Variants in TOP2B observed in about 807,000 individuals in gnomAD.
TOP2B encodes DNA topoisomerase 2-beta.
TOP2B carries 51 observed loss-of-function variants against 193.5 expected under a neutral mutation model. That is an observed-to-expected ratio of 0.26 (90% confidence interval 0.21 to 0.33). TOP2B has a LOEUF of 0.33. Ranked by LOEUF, TOP2B falls within the 10% of genes least tolerant of loss-of-function variation. The pLI, the probability that TOP2B is intolerant of heterozygous loss-of-function variation, is 1.00. For synonymous variants in TOP2B, 634 were observed against 635.7 expected (o/e 1.00, Z 0.04); for missense variants, 1,378 against 1,909.3 (o/e 0.72, Z 5.19).
intron 7 of TOP2B, among the ~76,000 whole-genome samples, chr3:25,634,894 G>A (rs1234153349): frequency 6.6e-6 from 1 of 151,942 alleles, no homozygotes; most frequent in African/African-American, 2.4e-5. Context: ...AGAATAGAGG[G>A]CAGAAAAAAA....
chr3:25,610,055 T>G (rs1476681271), intron 28 of TOP2B, among the ~76,000 whole-genome samples: 1 of 151,922 alleles, frequency 6.6e-6, no homozygotes, highest in African/African-American at 2.4e-5. Context: ...CAGGCAGGCC[T>G]TTATATACCA....
intron 18 of TOP2B, 83 bp from the exon 19 acceptor site, chr3:25,624,886 G>A: frequency 7.2e-7 from 1 of 1,393,152 alleles, no homozygotes; most frequent in Non-Finnish European, 9.7e-7. Context: ...GATACAATTT[G>A]CTTTTCAAGA....
rs1488565289 is a variant in TOP2B, at chr3:25,638,373, T to C, written c.396-63A>G. On this transcript the variant is annotated intron_variant, in intron 4 of 35. Transcript: ENST00000264331. ...AAAAAGCAGAATTTAGAGCTTAAAA[T>C]AGTAAAGATAAATTAATTCATTAAA... The C allele has an allele frequency of 1.4e-4, 182 of 1,258,692 alleles. No individual in the cohort carries two copies. In the East Asian group the frequency reaches 4.6e-3, roughly 32 times the overall value. The allele number at this position is 1,258,692 out of a possible 1,614,324, so 78.0% of individuals were successfully genotyped here.
chr3:25,622,952 A>G lies in TOP2B; in HGVS notation c.2727+563T>C, dbSNP rs1016943532. ...CTGAGCAACACCTAATTTTTTTTGT[A>G]TATTTAGTAGAGATGGAGTTTCCCC... is the stretch of plus-strand genomic sequence containing the variant. On this transcript the variant is annotated intron_variant, in intron 21 of 35. Coordinates refer to ENST00000264331, the MANE Select transcript of TOP2B (RefSeq NM_001330700.2). Among the ~76,000 whole-genome samples, 5 of 151,978 alleles carry G rather than the reference A, an allele frequency of 3.3e-5. No homozygotes were observed. In the East Asian group the frequency reaches 9.7e-4, roughly 29 times the overall value.
At chr3:25,658,070 A>AAAAAAAAC (rs1553644716) in intron 1 of TOP2B, among the ~76,000 whole-genome samples, 2 of 74,612 alleles carry the variant, frequency 2.7e-5, no homozygotes, top group South Asian at 4.2e-4. Context: ...CAAAAAAAAA[A>AAAAAAAAC]AAAAAAAATT....
At chr3:25,656,495 A>C (rs1333823708) in intron 1 of TOP2B, among the ~76,000 whole-genome samples, 1 of 152,136 alleles carries the variant, frequency 6.6e-6, no homozygotes, top group Non-Finnish European at 1.5e-5. Context: ...ATAAACCCTT[A>C]AACTTGGACG....
chr3:25,634,778 C>CAAAAAAAAA (rs34755793), intron 7 of TOP2B, among the ~76,000 whole-genome samples: 1 of 26,564 alleles, frequency 3.8e-5, no homozygotes, highest in African/African-American at 1.2e-4. Flanking sequence ...TCTCCCTTAC[C>CAAAAAAAAA]AAAAAAAAAA....
Position 25,623,767 on chromosome 3 carries a change from C to A in TOP2B, c.2496-21G>T, listed in dbSNP as rs1476607672. 12 of 1,513,724 alleles carry A rather than the reference C, an allele frequency of 7.9e-6. No homozygotes were observed. The Admixed American group carries it at 9.5e-5, about 12-fold the overall frequency. 93.8% of individuals were successfully genotyped at this position (1,513,724 alleles called of 1,614,324 possible). ...AAGTGCTAATGAAAACAAAAAGAAG[C>A]AAATGAAAAAATGTCATGGCTTTGG... On this transcript the variant is annotated intron_variant, in intron 20 of 35. Coordinates refer to ENST00000264331, the MANE Select transcript of TOP2B (RefSeq NM_001330700.2).
intron 18 of TOP2B, 72 bp downstream of exon 18, chr3:25,626,488 G>T: frequency 1.2e-6 from 1 of 819,762 alleles, no homozygotes; most frequent in Non-Finnish European, 1.9e-6. Flanking sequence ...GTATCATAAG[G>T]ATGGCTTAAA....
chr3:25,637,397 T>C (rs1163114898), intron 5 of TOP2B, 85 bp from the exon 6 acceptor site: 17 of 894,580 alleles, frequency 1.9e-5, no homozygotes, highest in Non-Finnish European at 2.8e-5. Flanking sequence ...GCAAGGCTGT[T>C]GCAAAACTGT....
rs1289587798 is a variant in TOP2B at position 25,598,100 on chromosome 3, T to TCAGA, written c.*203_*206dup. ...AGTCTATAACAATTCTACAAGCCAATCAGACAGTACGTGACATTTCAATGA... is the reference window on the plus strand; with the variant it reads ...AGTCTATAACAATTCTACAAGCCAATCAGACAGACAGTACGTGACATTTCAATGA... On this transcript the variant is annotated 3_prime_UTR_variant, in exon 36 of 36. Coordinates refer to ENST00000264331, the MANE Select transcript of TOP2B (RefSeq NM_001330700.2). The TCAGA allele has an allele frequency of 7.3e-6, 3 of 411,288 alleles. No homozygotes were observed. The highest frequency in any genetic ancestry group is 6.0e-5 in the South Asian group (1 of 16,566). 25.5% of individuals were successfully genotyped at this position (411,288 alleles called of 1,614,324 possible).
At chr3:25,618,056 T>C (rs371945186) in intron 25 of TOP2B, 143 of 199,240 alleles carry the variant, frequency 7.2e-4, no homozygotes, top group Non-Finnish European at 1.2e-3. Context: ...CATAGGCTGA[T>C]TCTGGGTGCA....
chr3:25,659,332 G>A (rs1304323223), intron 1 of TOP2B, among the ~76,000 whole-genome samples: 1 of 152,170 alleles, frequency 6.6e-6, no homozygotes, highest in Admixed American at 6.5e-5. Flanking sequence ...AGAGATAAGA[G>A]ATACTTAAGA....
intron 1 of TOP2B, among the ~76,000 whole-genome samples, chr3:25,663,899 A>G (rs1575592532): frequency 6.6e-6 from 1 of 151,890 alleles, no homozygotes; most frequent in Admixed American, 6.6e-5. Flanking sequence ...CGCCATCCCC[A>G]CCATTTCAGG....
intron 15 of TOP2B, 108 bp downstream of exon 15, chr3:25,628,739 C>T (rs1389392878): frequency 1.1e-5 from 7 of 630,742 alleles, no homozygotes; most frequent in Non-Finnish European, 1.9e-5. Flanking sequence ...TCAGTGATAG[C>T]TATTTTCGAA....
At chr3:25,660,573 A>G (rs899620267) in intron 1 of TOP2B, among the ~76,000 whole-genome samples, 5 of 152,206 alleles carry the variant, frequency 3.3e-5, no homozygotes, top group African/African-American at 1.2e-4. Context: ...GCAAATATGT[A>G]AAGACAAAGT....
intron 15 of TOP2B, among the ~76,000 whole-genome samples, chr3:25,627,974 T>G (rs913029295): frequency 2.7e-5 from 4 of 150,844 alleles, no homozygotes; most frequent in African/African-American, 7.3e-5. Context: ...AGCATGAGAA[T>G]CACTTGAACA....
At chr3:25,612,466 A>T (rs1033945572) in intron 28 of TOP2B, 49 bp downstream of exon 28, 3 of 1,410,034 alleles carry the variant, frequency 2.1e-6, no homozygotes, top group Admixed American at 4.3e-5. Context: ...AATTATACAT[A>T]TATTTCATTA....
At chr3:25,636,681 C>G (rs1445274562) in intron 6 of TOP2B, among the ~76,000 whole-genome samples, 3 of 151,978 alleles carry the variant, frequency 2.0e-5, no homozygotes, top group African/African-American at 7.2e-5. Context: ...CTCTCAAATT[C>G]TTCAACGTGA....
Sources: allele counts gnomAD v4.1 joint callset (sites outside exome capture counted in the v4.1 genomes callset), GRCh38; gene constraint gnomAD v4.1.1; transcripts MANE v1.5; gene names NCBI Gene and HGNC (gene_info 2026-07-23, HGNC 2026-07-21).